The following NR2F1-AS1 variants were observed in gnomAD, a reference collection of about 807,000 sequenced individuals.
NR2F1-AS1 encodes NR2F1 regulatory antisense RNA 1.
At chr5:93,553,691 G>A (rs1183605488) in intron 4 of NR2F1-AS1, 3 of 152,144 alleles carry the variant, frequency 2.0e-5, no homozygotes. Flanking sequence ...ACAAACTGTT[G>A]TTTGATAATG....
At chr5:93,568,117 AAGTTT>A (rs1752659030) in intron 1 of NR2F1-AS1, among the ~76,000 whole-genome samples, 2 of 152,210 alleles carry the variant, frequency 1.3e-5, no homozygotes, top group African/African-American at 4.8e-5. Flanking sequence ...ATGCTGTGTT[AAGTTT>A]AAAGACTTAA....
chr5:93,559,301 C>T (rs1752432972), intron 2 of NR2F1-AS1, among the ~76,000 whole-genome samples: 1 of 152,162 alleles, frequency 6.6e-6, no homozygotes. Context: ...CAGTCATTTT[C>T]TGTGTAACTT....
chr5:93,434,136 T>C (rs1375938339), intron 4 of NR2F1-AS1, among the ~76,000 whole-genome samples: 5 of 152,314 alleles, frequency 3.3e-5, no homozygotes, highest in Middle Eastern at 3.4e-3. Context: ...TGTCCTTTCT[T>C]ATTACCTATA....
Position 93,579,213 on chromosome 5 carries a change from C to CGTA in NR2F1-AS1, n.313+1251_313+1253dup, listed in dbSNP as rs1168029519. ...TGACAGAAAGTTGGCAAGGATGCCC[C>CGTA]GTAGGAGTGCGAGCCGCTCCCCTCC... On this transcript the variant is annotated intron_variant and non_coding_transcript_variant, in intron 1 of 5. Transcript: ENST00000660523. This position sits in a 1 kb window ranked among gnomAD's most constrained non-coding sequence, Gnocchi z 5.1. 1.3e-5 allele frequency among the ~76,000 whole-genome samples: 2 copies of CGTA among 152,102 alleles called. No individual in the cohort carries two copies. The highest frequency in any genetic ancestry group is 2.9e-5 in the Non-Finnish European group (2 of 67,992).
At chr5:93,496,283 G>A (rs566430114) in intron 4 of NR2F1-AS1, among the ~76,000 whole-genome samples, 1 of 152,250 alleles carries the variant, frequency 6.6e-6, no homozygotes, top group South Asian at 2.1e-4. Flanking sequence ...AAGCAGGCTT[G>A]TCTGTGAGGG....
At chr5:93,415,067 A>C (rs1748940467) in intron 4 of NR2F1-AS1, among the ~76,000 whole-genome samples, 1 of 152,170 alleles carries the variant, frequency 6.6e-6, no homozygotes, top group African/African-American at 2.4e-5. Context: ...AACATAAGCA[A>C]TCCAGAACTG....
intron 4 of NR2F1-AS1, among the ~76,000 whole-genome samples, chr5:93,512,339 T>C (rs1751315399): frequency 1.3e-5 from 2 of 152,330 alleles, no homozygotes; most frequent in South Asian, 4.1e-4. Flanking sequence ...TTTGTGCAGC[T>C]GTACAATGTG....
intron 4 of NR2F1-AS1, among the ~76,000 whole-genome samples, chr5:93,515,090 C>G (rs1280368181): frequency 6.6e-6 from 1 of 151,838 alleles, no homozygotes; most frequent in African/African-American, 2.4e-5. Flanking sequence ...ACTTTTCAAG[C>G]AAAGAAACAC....
chr5:93,548,494 T>A (rs2149910566), intron 4 of NR2F1-AS1, among the ~76,000 whole-genome samples: 1 of 152,298 alleles, frequency 6.6e-6, no homozygotes, highest in East Asian at 1.9e-4. Flanking sequence ...GGCATTATTT[T>A]ACAGCTCCAG....
At chr5:93,461,554 C>T (rs957163108) in intron 4 of NR2F1-AS1, among the ~76,000 whole-genome samples, 6 of 151,928 alleles carry the variant, frequency 3.9e-5, no homozygotes, top group African/African-American at 1.5e-4. Flanking sequence ...AAAATAGAAA[C>T]TGAGTTACAA....
At chr5:93,485,705 T>C (rs188787339) in intron 4 of NR2F1-AS1, among the ~76,000 whole-genome samples, 10 of 152,244 alleles carry the variant, frequency 6.6e-5, no homozygotes, top group African/African-American at 2.2e-4. Flanking sequence ...GTCAATGTGG[T>C]GATTCCTCAG....
intron 4 of NR2F1-AS1, among the ~76,000 whole-genome samples, chr5:93,467,251 T>C (rs1750258860): frequency 1.3e-5 from 2 of 152,182 alleles, no homozygotes; most frequent in African/African-American, 4.8e-5. Flanking sequence ...GAAACTACCA[T>C]TGACATTCTT....
chr5:93,419,988 T>C (rs1038482692), intron 4 of NR2F1-AS1, among the ~76,000 whole-genome samples: 1 of 152,080 alleles, frequency 6.6e-6, no homozygotes, highest in Non-Finnish European at 1.5e-5. Flanking sequence ...CTTGAGGTCA[T>C]GAGTTCAAGA....
intron 4 of NR2F1-AS1, among the ~76,000 whole-genome samples, chr5:93,487,173 T>G (rs1454669369): frequency 2.0e-5 from 3 of 152,172 alleles, no homozygotes; most frequent in Non-Finnish European, 2.9e-5. Flanking sequence ...AGCATTCCCT[T>G]GGAAAATCGG....
rs559308108 is a variant in NR2F1-AS1, at chr5:93,423,647, C to A, written n.639-28105G>T. Among the ~76,000 whole-genome samples the A allele has an allele frequency of 2.4e-3, 359 of 152,302 alleles. 2 individuals are homozygous for A. The highest frequency in any genetic ancestry group is 4.2e-3 in the Non-Finnish European group (285 of 68,026). ...TTCCAAGTCCAAAGTAGTACAATTA[C>A]AAATCTTGTCTAACTTTAACACCGA... On this transcript the variant is annotated intron_variant and non_coding_transcript_variant, in intron 4 of 5. Transcript: ENST00000660523.
chr5:93,446,247 G>C (rs1038760047), intron 4 of NR2F1-AS1, among the ~76,000 whole-genome samples: 19 of 152,310 alleles, frequency 1.2e-4, no homozygotes, highest in African/African-American at 4.1e-4. Context: ...ATTAGGAAAA[G>C]AGGAAGTCAA....
chr5:93,484,590 C>T (rs1750676259), intron 4 of NR2F1-AS1, among the ~76,000 whole-genome samples: 1 of 152,086 alleles, frequency 6.6e-6, no homozygotes, highest in African/African-American at 2.4e-5. Flanking sequence ...GGGTCAAATT[C>T]ACACAGAACA....
intron 4 of NR2F1-AS1, among the ~76,000 whole-genome samples, chr5:93,453,878 A>C (rs1290963648): frequency 6.6e-6 from 1 of 152,256 alleles, no homozygotes; most frequent in African/African-American, 2.4e-5. Context: ...CAAGGATAAA[A>C]ATTAAACCAG....
At chr5:93,491,717 T>G (rs544409134) in intron 4 of NR2F1-AS1, among the ~76,000 whole-genome samples, 136 of 152,318 alleles carry the variant, frequency 8.9e-4, no homozygotes, top group South Asian at 1.9e-3. Flanking sequence ...GACATTCATC[T>G]TCTCCTACCC....
Sources: allele counts gnomAD v4.1 joint callset (sites outside exome capture counted in the v4.1 genomes callset), GRCh38; gene constraint gnomAD v4.1.1; non-coding constraint Gnocchi (gnomAD v3.1); transcripts MANE v1.5; gene names NCBI Gene and HGNC (gene_info 2026-07-23, HGNC 2026-07-21).